Variants in ACTB observed in about 807,000 individuals in gnomAD.
ACTB encodes the protein actin beta, also known as actin, cytoplasmic 1.
A neutral mutation model predicts 30.5 loss-of-function variants in ACTB; 2 were observed. The observed-to-expected ratio is 0.07, with a 90% confidence interval of 0.03 to 0.21. The LOEUF is 0.21. Ranked by LOEUF, ACTB falls within the 10% of genes least tolerant of loss-of-function variation. The pLI is 1.00. For missense variants in ACTB, 56 were observed against 530.0 expected (o/e 0.11, Z 8.78); for synonymous variants, 335 against 217.6 (o/e 1.54, Z -4.75).
rs1284346916 is a variant in ACTB, at chr7:5,528,199, G to A, written c.803-14C>T. On this transcript the variant is annotated splice_polypyrimidine_tract_variant and intron_variant, in intron 4 of 5. Coordinates refer to ENST00000646664, the MANE Select transcript of ACTB (RefSeq NM_001101.5). Reference sequence around the variant, plus strand: ...AGGACTCCATGCCTGAGAGGGAAATGAGGGCAGGACTTAGCTTCCACAGCA... The same window carrying A: ...AGGACTCCATGCCTGAGAGGGAAATAAGGGCAGGACTTAGCTTCCACAGCA... 7 of 1,613,768 alleles carry A rather than the reference G, an allele frequency of 4.3e-6. No individual in the cohort carries two copies. In the African/African-American group the frequency reaches 9.3e-5, roughly 22 times the overall value.
rs1232073736 is a variant in ACTB, at chr7:5,529,144, G to A, written c.363+17C>T. On this transcript the variant is annotated intron_variant, in intron 3 of 5. Coordinates refer to ENST00000646664, the MANE Select transcript of ACTB (RefSeq NM_001101.5). ...AAGGAGGGAGGCGGCCACCAGAAGA[G>A]GTAGCGGGCCACTCACCTGGGTCAT... The A allele has an allele frequency of 8.7e-6, 14 of 1,613,818 alleles. No individual in the cohort carries two copies. Among genetic ancestry groups the A allele is most frequent in the Admixed American group, 6.7e-5 (4 of 59,994 alleles).
chr7:5,528,783 G>T (rs1034387970), intron 3 of ACTB, 64 bp from the exon 4 acceptor site: 1 of 1,572,364 alleles, frequency 6.4e-7, no homozygotes, highest in African/African-American at 1.4e-5. Flanking sequence ...GGCCAGACGG[G>T]GGACATGCAG....
Position 5,529,527 on chromosome 7 carries a change from T to G in ACTB, c.123+8A>C, listed in dbSNP as rs1440785550. 6 of 1,610,856 alleles carry G rather than the reference T, an allele frequency of 3.7e-6. No homozygotes were observed. In the East Asian group the frequency reaches 1.3e-4, roughly 36 times the overall value. ...CCCGGGGCTGCCCCACCCAGCCAGC[T>G]CCCCTACCTGGTGCCTGGGGCGCCC... On this transcript the variant is annotated splice_region_variant and intron_variant, in intron 2 of 5. Coordinates refer to ENST00000646664, the MANE Select transcript of ACTB (RefSeq NM_001101.5).
At chr7:5,527,931 T>C in intron 5 of ACTB, 40 bp from the exon 6 acceptor site, 27 of 1,613,032 alleles carry the variant, frequency 1.7e-5, no homozygotes, top group Non-Finnish European at 2.2e-5. Context: ...ACCCTGGATG[T>C]GACAGCTCCC....
chr7:5,529,486 T>A, intron 2 of ACTB, 49 bp downstream of exon 2: 1 of 1,612,516 alleles, frequency 6.2e-7, no homozygotes, highest in Non-Finnish European at 8.5e-7. Context: ...GAAAGCGCCC[T>A]TGCCTCCCGC....
chr7:5,527,524 C>T lies in ACTB; in HGVS notation c.*224G>A. The T allele has an allele frequency of 1.5e-6, 1 of 678,506 alleles. No individual in the cohort carries two copies. The highest frequency in any genetic ancestry group is 2.4e-6 in the Non-Finnish European group (1 of 408,762). 42.0% of individuals were successfully genotyped at this position (678,506 alleles called of 1,614,324 possible). On this transcript the variant is annotated 3_prime_UTR_variant, in exon 6 of 6. Coordinates refer to ENST00000646664, the MANE Select transcript of ACTB (RefSeq NM_001101.5). ...TGACTATTAAAAAAACAACAATGTG[C>T]AATCAAAGTCCTCGGCCACATTGTG... is the stretch of plus-strand genomic sequence containing the variant.
chr7:5,527,961 C>T (rs369552329), intron 5 of ACTB, 43 bp downstream of exon 5: 1 of 1,613,138 alleles, frequency 6.2e-7, no homozygotes, highest in Non-Finnish European at 8.5e-7. Context: ...CAGGACCCCA[C>T]AGCCGACCTG....
intron 1 of ACTB, 87 bp from the exon 2 acceptor site, chr7:5,529,750 G>T (rs2128241488): frequency 6.3e-7 from 1 of 1,585,372 alleles, no homozygotes; most frequent in Non-Finnish European, 8.6e-7. Context: ...CCGCCAGGGG[G>T]CGCCGGCGCG....
intron 5 of ACTB, 47 bp from the exon 6 acceptor site, chr7:5,527,938 T>TC: frequency 6.2e-7 from 1 of 1,612,858 alleles, no homozygotes; most frequent in Non-Finnish European, 8.5e-7. Flanking sequence ...ATGTGACAGC[T>TC]CCCCACACAC....
intron 2 of ACTB, 52 bp from the exon 3 acceptor site, chr7:5,529,452 G>A: frequency 2.5e-6 from 4 of 1,613,424 alleles, no homozygotes; most frequent in Admixed American, 1.7e-5. Context: ...CCCCACCCCG[G>A]AAACCGGGAG....
At chr7:5,529,776 C>G (rs1784845376) in intron 1 of ACTB, 113 bp from the exon 2 acceptor site, 1 of 1,532,012 alleles carries the variant, frequency 6.5e-7, no homozygotes, top group Non-Finnish European at 8.9e-7. Flanking sequence ...AGATTGGGGA[C>G]AAAGGAAGCC....
chr7:5,530,153 C>T (rs1384363978), intron 1 of ACTB, among the ~76,000 whole-genome samples: 34 of 152,156 alleles, frequency 2.2e-4, no homozygotes, highest in African/African-American at 7.5e-4. Flanking sequence ...AGTTAGCGCC[C>T]AAAGGACCAG....
chr7:5,528,163 G>A lies in ACTB; in HGVS notation c.825C>T (p.His275=), dbSNP rs373362107. 27 of 1,614,078 alleles carry A rather than the reference G, an allele frequency of 1.7e-5. No individual in the cohort carries two copies. The highest frequency in any genetic ancestry group is 6.7e-5 in the African/African-American group (5 of 74,934). ...SFLGMESCGI[H]ETTFNSIMKC... ...TCATGATGGAGTTGAAGGTAGTTTC[G>A]TGGATGCCACAGGACTCCATGCCTG... The change falls in exon 5 of 6, where the codon CAC becomes CAT. Residue 275 remains histidine, a synonymous_variant. Coordinates refer to ENST00000646664, the MANE Select transcript of ACTB (RefSeq NM_001101.5).
At position 5,527,646 on chromosome 7, in the gene ACTB, C is replaced by T; in HGVS notation, c.*102G>A. On this transcript the variant is annotated 3_prime_UTR_variant, in exon 6 of 6. Coordinates refer to ENST00000646664, the MANE Select transcript of ACTB (RefSeq NM_001101.5). ...GCCAAAAAAAAAAAAAAAACCAAAA[C>T]AAAACAAAAAAAACAAATAAAGCCA... The T allele has an allele frequency of 7.9e-7, 1 of 1,259,438 alleles. No individual in the cohort carries two copies. Among genetic ancestry groups the T allele is most frequent in the East Asian group, 2.6e-5 (1 of 38,934 alleles). 78.0% of individuals were successfully genotyped at this position (1,259,438 alleles called of 1,614,324 possible).
At chr7:5,528,964 A>T in intron 3 of ACTB, 197 bp downstream of exon 3, 1 of 1,553,536 alleles carries the variant, frequency 6.4e-7, no homozygotes. Context: ...TTAGACACCT[A>T]GTCAGAGAGA....
In ACTB at chr7:5,527,736, G is replaced by GTCAT; in HGVS notation, c.*8_*11dup. 4 of 1,613,374 alleles carry GTCAT rather than the reference G, an allele frequency of 2.5e-6. No individual in the cohort carries two copies. Among genetic ancestry groups the GTCAT allele is most frequent in the Non-Finnish European group, 3.4e-6 (4 of 1,179,962 alleles). ...TCAAGAAAGGGTGTAACGCAACTAA[G>GTCAT]TCATAGTCCGCCTAGAAGCATTTGC... On this transcript the variant is annotated 3_prime_UTR_variant, in exon 6 of 6. Coordinates refer to ENST00000646664, the MANE Select transcript of ACTB (RefSeq NM_001101.5).
Position 5,527,215 on chromosome 7 carries a change from TC to T in ACTB, c.*532del. The T allele has an allele frequency of 4.7e-6, 1 of 214,426 alleles. No individual in the cohort carries two copies. The highest frequency in any genetic ancestry group is 9.5e-6 in the Non-Finnish European group (1 of 105,448). 13.3% of individuals were successfully genotyped at this position (214,426 alleles called of 1,614,324 possible). On this transcript the variant is annotated 3_prime_UTR_variant, in exon 6 of 6. Coordinates refer to ENST00000646664, the MANE Select transcript of ACTB (RefSeq NM_001101.5). The stretch of plus-strand genomic sequence containing the variant: ...AGTGTACAGGTAAGCCCTGGCTGCC[TC>T]CACCCACTCCCAGGGAGACCAAAAG...
chr7:5,527,432 A>C lies in ACTB; in HGVS notation c.*316T>G, dbSNP rs1784787613. The C allele has an allele frequency of 2.2e-6, 1 of 464,176 alleles. No homozygotes were observed. The highest frequency in any genetic ancestry group is 3.9e-6 in the Non-Finnish European group (1 of 254,680). The allele number at this position is 464,176 out of a possible 1,614,324, so 28.8% of individuals were successfully genotyped here. A position where few individuals can be genotyped will look rare whatever the true frequency, so the allele number is the denominator to read the frequency against. On this transcript the variant is annotated 3_prime_UTR_variant, in exon 6 of 6. Transcript: ENST00000646664. ...GGGAGAGGACTGGGCCATTCTCCTT[A>C]GAGAGAAGTGGGGTGGCTTTTAGGA...
chr7:5,529,913 A>T, intron 1 of ACTB: 1 of 455,726 alleles, frequency 2.2e-6, no homozygotes, highest in Non-Finnish European at 3.9e-6. Flanking sequence ...CGGTTCAAAC[A>T]GCGCCGGGTC....
Sources: allele counts gnomAD v4.1 joint callset (sites outside exome capture counted in the v4.1 genomes callset), GRCh38; gene constraint gnomAD v4.1.1; transcripts MANE v1.5; gene names NCBI Gene and HGNC (gene_info 2026-07-23, HGNC 2026-07-21).